The following FBLN7 variants were observed in gnomAD, a reference collection of about 807,000 sequenced individuals.
FBLN7 encodes the protein fibulin-7.
A neutral mutation model predicts 44.0 loss-of-function variants in FBLN7; 31 were observed. The observed-to-expected ratio is 0.70, with a 90% CI of 0.53 to 0.95. The LOEUF is 0.95. FBLN7 is among the 40% of genes least tolerant of loss of function. The pLI is 0.00. For missense variants in FBLN7, 573 were observed against 618.5 expected (o/e 0.93, Z 0.78); for synonymous variants, 262 against 253.4 (o/e 1.03, Z -0.32).
the FBLN7 span, among the ~76,000 whole-genome samples, chr2:112,207,802 A>G: frequency 3.3e-5 from 5 of 152,258 alleles, 1 homozygote; most frequent in South Asian, 6.2e-4. Context: ...TCTGAAGTCT[A>G]TTTTATTATT....
At chr2:112,217,140 G>A in the FBLN7 span, among the ~76,000 whole-genome samples, 1 of 152,126 alleles carries the variant, frequency 6.6e-6, no homozygotes, top group South Asian at 2.1e-4. Context: ...AGACCAAGGC[G>A]GGTGGATCAC....
chr2:112,158,703 T>C (rs953531830), intron 1 of FBLN7, among the ~76,000 whole-genome samples: 1 of 152,070 alleles, frequency 6.6e-6, no homozygotes, highest in Admixed American at 6.6e-5. Flanking sequence ...CCTCCCAAAG[T>C]GCTAGGATTA....
At chr2:112,184,024 T>C (rs1683125278) in intron 6 of FBLN7, among the ~76,000 whole-genome samples, 1 of 152,108 alleles carries the variant, frequency 6.6e-6, no homozygotes, top group Non-Finnish European at 1.5e-5. Flanking sequence ...ACATGCTGAA[T>C]CTCCACATGA....
chr2:112,160,061 G>A (rs1344974508), intron 2 of FBLN7, among the ~76,000 whole-genome samples: 3 of 152,122 alleles, frequency 2.0e-5, no homozygotes, highest in Non-Finnish European at 4.4e-5. Flanking sequence ...CGCGATCTCG[G>A]CTCACTGCAA....
the FBLN7 span, chr2:112,213,684 G>C: frequency 7.1e-6 from 1 of 139,908 alleles, no homozygotes; most frequent in Non-Finnish European, 1.5e-5. Flanking sequence ...GCTGAGGCAG[G>C]AGAATCACTT....
chr2:112,168,084 A>G (rs973784339), intron 3 of FBLN7, among the ~76,000 whole-genome samples: 5 of 152,190 alleles, frequency 3.3e-5, no homozygotes, highest in African/African-American at 4.8e-5. Context: ...CCAGGCGTCC[A>G]GCAAGCCTAC....
the FBLN7 span, among the ~76,000 whole-genome samples, chr2:112,243,574 C>T: frequency 6.6e-6 from 1 of 151,694 alleles, no homozygotes; most frequent in South Asian, 2.1e-4. Context: ...AAATAATTAC[C>T]TCACAAAGAA....
the FBLN7 span, among the ~76,000 whole-genome samples, chr2:112,211,250 G>T: frequency 6.6e-6 from 1 of 152,130 alleles, no homozygotes; most frequent in East Asian, 1.9e-4. Flanking sequence ...AAAATCAACT[G>T]ATTTGAGACC....
intron 3 of FBLN7, 84 bp downstream of exon 3, chr2:112,165,255 G>C (rs1682092700): frequency 6.7e-7 from 1 of 1,485,846 alleles, no homozygotes; most frequent in Non-Finnish European, 9.1e-7. Context: ...TCATTCCTTG[G>C]AACATTTTCT....
the FBLN7 span, among the ~76,000 whole-genome samples, chr2:112,195,857 G>A: frequency 6.6e-6 from 1 of 152,188 alleles, no homozygotes; most frequent in East Asian, 1.9e-4. Flanking sequence ...CAAAACAGTT[G>A]GCATTTGTGG....
Position 112,175,766 on chromosome 2 carries a change from A to G in FBLN7, c.459A>G (p.Glu153=). ...GTCAAAATGGTGGTACATGTGTAGA[A>G]GGAGTCAACCAGTACAGATGCATTT... is the stretch of plus-strand genomic sequence containing the variant. The part of the protein sequence containing the change: ...QPCQNGGTCV[E]GVNQYRCICP... The change falls in exon 4 of 8, where the codon GAA becomes GAG. Residue 153 remains glutamate, a synonymous_variant. Coordinates refer to ENST00000331203, the MANE Select transcript of FBLN7 (RefSeq NM_153214.3). The G allele has an allele frequency of 1.2e-6, 2 of 1,612,812 alleles. No individual in the cohort carries two copies. Among genetic ancestry groups the G allele is most frequent in the African/African-American group, 1.4e-5 (1 of 73,798 alleles).
At chr2:112,221,035 T>C in the FBLN7 span, among the ~76,000 whole-genome samples, 3 of 152,214 alleles carry the variant, frequency 2.0e-5, no homozygotes, top group South Asian at 6.2e-4. Context: ...ATGGACAATA[T>C]CCTGAAATAT....
chr2:112,157,581 A>G (rs140245628), intron 1 of FBLN7, among the ~76,000 whole-genome samples: 2 of 150,824 alleles, frequency 1.3e-5, no homozygotes, highest in Non-Finnish European at 3.0e-5. Flanking sequence ...CACTTGATTC[A>G]CCCCTCCTTT....
chr2:112,210,074 A>G, the FBLN7 span, among the ~76,000 whole-genome samples: 2 of 150,676 alleles, frequency 1.3e-5, no homozygotes, highest in African/African-American at 4.9e-5. Flanking sequence ...CTGAATTCTG[A>G]AAGGGATGGG....
intron 1 of FBLN7, among the ~76,000 whole-genome samples, chr2:112,143,361 G>A (rs530223730): frequency 5.3e-5 from 8 of 152,170 alleles, no homozygotes; most frequent in Non-Finnish European, 1.0e-4. Context: ...GCGGGCTCCC[G>A]GCCACCTCCT....
chr2:112,243,994 CAG>C, the FBLN7 span, among the ~76,000 whole-genome samples: 3 of 145,412 alleles, frequency 2.1e-5, no homozygotes, highest in African/African-American at 7.6e-5. Flanking sequence ...TAAATAGAAA[CAG>C]AGGAAATATC....
the FBLN7 span, among the ~76,000 whole-genome samples, chr2:112,226,173 T>G: frequency 6.6e-6 from 1 of 150,626 alleles, no homozygotes; most frequent in African/African-American, 2.4e-5. Context: ...GTAGACAACT[T>G]AGATGAAATA....
rs567918924 is a variant in FBLN7 at position 112,156,332 on chromosome 2, T to C, written c.76-3344T>C. Among the ~76,000 whole-genome samples the C allele has an allele frequency of 1.3e-3, 195 of 152,238 alleles. 1 individual carries two copies. Among genetic ancestry groups the C allele is most frequent in the African/African-American group, 4.0e-3 (167 of 41,558 alleles). ...CTCTACTGCTCCTAAGCCCCATGATTTGGGGGAAGGTGTTTGACTTTCAGC... is the reference window on the plus strand; with the variant it reads ...CTCTACTGCTCCTAAGCCCCATGATCTGGGGGAAGGTGTTTGACTTTCAGC... On this transcript the variant is annotated intron_variant, in intron 1 of 7. Coordinates refer to ENST00000331203, the MANE Select transcript of FBLN7 (RefSeq NM_153214.3).
At chr2:112,195,865 T>G in the FBLN7 span, among the ~76,000 whole-genome samples, 1 of 152,162 alleles carries the variant, frequency 6.6e-6, no homozygotes, top group Admixed American at 6.5e-5. Flanking sequence ...TTGGCATTTG[T>G]GGTAGACATT....
Sources: allele counts gnomAD v4.1 joint callset (sites outside exome capture counted in the v4.1 genomes callset), GRCh38; gene constraint gnomAD v4.1.1; transcripts MANE v1.5; gene names NCBI Gene and HGNC (gene_info 2026-07-23, HGNC 2026-07-21).